Variants in PDZD9 observed in about 807,000 individuals in gnomAD.
PDZD9 encodes PDZ domain-containing protein 9.
Under a neutral mutation model 16.3 loss-of-function variants are expected in PDZD9, and 13 were observed. That is an observed-to-expected ratio of 0.80 (90% CI 0.52 to 1.27). PDZD9 has a LOEUF of 1.27. Ranked by LOEUF, PDZD9 falls within the 50% of genes most tolerant of loss-of-function variation. The probability of loss-of-function intolerance (pLI) is 0.00; values close to 1 mark genes in which losing one functional copy is unlikely to be tolerated. For missense variants in PDZD9, 288 were observed against 310.9 expected (o/e 0.93, Z 0.55); for synonymous variants, 120 against 111.0 (o/e 1.08, Z -0.51).
chr16:21,993,158 G>C (rs1899065483), intron 2 of PDZD9, among the ~76,000 whole-genome samples: 1 of 152,182 alleles, frequency 6.6e-6, no homozygotes, highest in South Asian at 2.1e-4. Flanking sequence ...AGCAGTGTAA[G>C]AATGCACTAA....
At chr16:21,968,456 G>A in the PDZD9 span, 1 of 476,290 alleles carries the variant, frequency 2.1e-6, no homozygotes. Flanking sequence ...TTAAGCAATA[G>A]TTTTTATAAT....
At chr16:21,990,446 T>A (rs1256172953) in intron 2 of PDZD9, among the ~76,000 whole-genome samples, 3 of 152,220 alleles carry the variant, frequency 2.0e-5, no homozygotes, top group East Asian at 1.9e-4. Flanking sequence ...CTAGATCCTA[T>A]CAGAAACAAA....
chr16:21,966,237 G>T, the PDZD9 span, among the ~76,000 whole-genome samples: 2 of 151,980 alleles, frequency 1.3e-5, no homozygotes, highest in African/African-American at 4.8e-5. Flanking sequence ...CTCTGAATTT[G>T]TAAATAAGAC....
At chr16:21,969,309 G>A in the PDZD9 span, among the ~76,000 whole-genome samples, 1 of 152,070 alleles carries the variant, frequency 6.6e-6, no homozygotes, top group Non-Finnish European at 1.5e-5. Flanking sequence ...TGAGGCGGGC[G>A]GATCACCTGA....
the PDZD9 span, among the ~76,000 whole-genome samples, chr16:21,977,476 A>G: frequency 1.3e-5 from 2 of 152,206 alleles, no homozygotes. Context: ...ACTAATTTAT[A>G]CCCAAAAAAG....
chr16:21,969,569 C>T, the PDZD9 span, among the ~76,000 whole-genome samples: 1 of 152,222 alleles, frequency 6.6e-6, no homozygotes, highest in South Asian at 2.1e-4. Flanking sequence ...CTCATAGACC[C>T]AGTGACTTTT....
At chr16:22,000,599 C>T (rs1420995441) in intron 1 of PDZD9, among the ~76,000 whole-genome samples, 3 of 151,880 alleles carry the variant, frequency 2.0e-5, no homozygotes, top group Non-Finnish European at 4.4e-5. Flanking sequence ...CCAAGGCGGG[C>T]GGATCACTTG....
the PDZD9 span, among the ~76,000 whole-genome samples, chr16:21,966,286 A>C: frequency 6.6e-6 from 1 of 152,062 alleles, no homozygotes; most frequent in African/African-American, 2.4e-5. Context: ...ATCCTCGCTC[A>C]CTCATTCACG....
intron 3 of PDZD9, among the ~76,000 whole-genome samples, chr16:21,985,549 T>C (rs912908958): frequency 6.6e-6 from 1 of 152,144 alleles, no homozygotes; most frequent in East Asian, 1.9e-4. Flanking sequence ...CTCTGAACTT[T>C]CCTAATGCCT....
chr16:21,962,840 C>G, the PDZD9 span: 1 of 1,613,926 alleles, frequency 6.2e-7, no homozygotes, highest in African/African-American at 1.3e-5. Flanking sequence ...CCTTCAGCCT[C>G]AGCTAAAGAT....
intron 2 of PDZD9, among the ~76,000 whole-genome samples, chr16:21,993,048 A>G (rs1233801758): frequency 6.6e-6 from 1 of 152,024 alleles, no homozygotes; most frequent in African/African-American, 2.4e-5. Flanking sequence ...CTCTTCCACT[A>G]TGATTGTAAG....
the PDZD9 span, among the ~76,000 whole-genome samples, chr16:21,975,107 A>G: frequency 2.0e-5 from 3 of 152,178 alleles, no homozygotes; most frequent in Admixed American, 1.3e-4. Flanking sequence ...AGAGAAATGG[A>G]GGAGGTAGGT....
the PDZD9 span, among the ~76,000 whole-genome samples, chr16:21,972,308 TTGTC>T: frequency 8.5e-5 from 13 of 152,346 alleles, no homozygotes; most frequent in African/African-American, 3.1e-4. Flanking sequence ...CTTTTCCACT[TTGTC>T]TATTACTTGT....
chr16:21,983,191 G>T, downstream of PDZD9: 1 of 1,605,084 alleles, frequency 6.2e-7, no homozygotes, highest in Non-Finnish European at 8.5e-7. Context: ...ACACATTACA[G>T]GAGAGAGCTG....
chr16:21,963,696 T>G, the PDZD9 span, among the ~76,000 whole-genome samples: 1 of 152,198 alleles, frequency 6.6e-6, no homozygotes, highest in East Asian at 1.9e-4. Context: ...CTCGAACTCC[T>G]GGGCTGAAGT....
chr16:21,978,149 G>A, the PDZD9 span, among the ~76,000 whole-genome samples: 37 of 152,270 alleles, frequency 2.4e-4, no homozygotes, highest in Non-Finnish European at 4.7e-4. Flanking sequence ...CATTTTGATG[G>A]AGTTGATACT....
chr16:21,968,064 C>T, the PDZD9 span, among the ~76,000 whole-genome samples: 2 of 148,344 alleles, frequency 1.3e-5, no homozygotes, highest in Non-Finnish European at 1.5e-5. Flanking sequence ...TGCAATGACA[C>T]GATCTCAGCT....
At chr16:21,973,751 A>G in the PDZD9 span, 747 of 677,936 alleles carry the variant, frequency 1.1e-3, 3 homozygotes, top group African/African-American at 0.012. Flanking sequence ...AGAATACTTC[A>G]GTTCGTGACA....
chr16:21,965,193 G>C, the PDZD9 span, among the ~76,000 whole-genome samples: 1 of 152,220 alleles, frequency 6.6e-6, no homozygotes, highest in Non-Finnish European at 1.5e-5. Flanking sequence ...TATAGAAGCT[G>C]CTGCCATGTA....
Sources: gnomAD v4.1 joint callset for allele counts (sites outside exome capture counted in the v4.1 genomes callset) on GRCh38, gnomAD v4.1.1 for gene constraint, MANE v1.5 for transcripts, NCBI Gene and HGNC (gene_info 2026-07-23, HGNC 2026-07-21) for gene names.